ATP11B: variants seen among roughly 807,000 people sequenced by gnomAD.
ATP11B encodes ATPase phospholipid transporting 11B (putative), also known as phospholipid-transporting ATPase IF.
Under a neutral mutation model 157.8 loss-of-function variants are expected in ATP11B, and 81 were observed. The observed-to-expected ratio is 0.51, with a 90% CI of 0.43 to 0.62. The LOEUF (loss-of-function observed/expected upper bound fraction) is 0.62, where lower values mean the gene tolerates loss of function less well. Ranked by LOEUF, ATP11B falls within the 20% of genes least tolerant of loss-of-function variation. ATP11B has a pLI of 0.00. For missense variants in ATP11B, 1,165 were observed against 1,402.2 expected, an observed-to-expected ratio of 0.83 and a Z score of 2.70; for synonymous variants, 451 against 469.4, an observed-to-expected ratio of 0.96 and a Z score of 0.51.
At chr3:182,844,022 G>T (rs1226155206) in intron 8 of ATP11B, 2 of 152,136 alleles carry the variant, frequency 1.3e-5, no homozygotes, top group Non-Finnish European at 2.9e-5. Flanking sequence ...TACATAGTCT[G>T]AGTTGCATTA....
chr3:182,836,366 A>G lies in ATP11B; in HGVS notation c.448A>G (p.Lys150Glu). The change falls in exon 6 of 30, where the codon AAA becomes GAA. Residue 150 changes from lysine to glutamate, a missense_variant. Transcript: ENST00000323116. ...GGTGGGTGATATTGTTCGAATAGCC[A>G]AAGATGAAATTTTTCCTGCAGACTT... is the stretch of plus-strand genomic sequence containing the variant. ...IRVGDIVRIA[K>E]DEIFPADLVL... 1 of 1,613,884 alleles carries G rather than the reference A, an allele frequency of 6.2e-7. No individual in the cohort carries two copies. The highest frequency in any genetic ancestry group is 1.1e-5 in the South Asian group (1 of 91,070).
chr3:182,828,141 C>A lies in ATP11B; in HGVS notation c.166C>A (p.Pro56Thr). The A allele has an allele frequency of 6.8e-7, 1 of 1,469,022 alleles. No homozygotes were observed. The highest frequency in any genetic ancestry group is 1.5e-5 in the South Asian group (1 of 68,312). The allele number at this position is 1,469,022 out of a possible 1,614,324, so 91.0% of individuals were successfully genotyped here. Reference protein sequence around the residue: ...SSKYTVWNFVPKNLFEQFRRV... With the variant: ...SSKYTVWNFVTKNLFEQFRRV... ...TTAGTACACTGTGTGGAATTTTGTT[C>A]CAAAAAATTTATTTGAACAGTTCAG... Residue 56 changes from proline (P) to threonine (T), a missense_variant, in exon 3 of 30, where the codon CCA (proline) becomes ACA (threonine). By Grantham distance (38) the Pro-to-Thr change is conservative. Transcript: ENST00000323116.
At chr3:182,906,834 A>G (rs1003934793) in intron 28 of ATP11B, among the ~76,000 whole-genome samples, 2 of 151,498 alleles carry the variant, frequency 1.3e-5, no homozygotes, top group African/African-American at 4.8e-5. Flanking sequence ...CACGCCTGTA[A>G]TCCCAGCACT....
intron 1 of ATP11B, among the ~76,000 whole-genome samples, chr3:182,803,107 A>G (rs1235818021): frequency 1.3e-5 from 2 of 152,214 alleles, no homozygotes; most frequent in Non-Finnish European, 2.9e-5. Flanking sequence ...GAAGTTAAAT[A>G]CCCAGAAGTG....
intron 23 of ATP11B, 86 bp from the exon 24 acceptor site, chr3:182,887,498 ATT>A: frequency 8.7e-7 from 1 of 1,152,110 alleles, no homozygotes; most frequent in Admixed American, 2.8e-5. Flanking sequence ...TAAAACTTTA[ATT>A]TTGTTTTTAA....
chr3:182,853,405 C>T (rs1397515735), intron 10 of ATP11B, among the ~76,000 whole-genome samples: 1 of 152,056 alleles, frequency 6.6e-6, no homozygotes, highest in East Asian at 1.9e-4. Flanking sequence ...GACAGGGTTT[C>T]ACCATGTTGG....
At chr3:182,850,727 C>G (rs1017760706) in intron 10 of ATP11B, among the ~76,000 whole-genome samples, 1 of 152,144 alleles carries the variant, frequency 6.6e-6, no homozygotes, top group Non-Finnish European at 1.5e-5. Context: ...AACAATCCCA[C>G]TACTGGGTTT....
At chr3:182,859,486 C>G in intron 12 of ATP11B, 127 bp downstream of exon 12, 1 of 659,916 alleles carries the variant, frequency 1.5e-6, no homozygotes, top group South Asian at 3.6e-5. Context: ...TGCTCCACTC[C>G]TAGCTGTTCC....
rs138006634 is a variant in ATP11B at position 182,848,866 on chromosome 3, T to C, written c.851+309T>C. 2.9e-3 allele frequency among the ~76,000 whole-genome samples: 440 copies of C among 152,214 alleles called. 4 individuals are homozygous for C. Among genetic ancestry groups the C allele is most frequent in the Middle Eastern group, 0.01 (3 of 294 alleles). On this transcript the variant is annotated intron_variant, in intron 10 of 29. Coordinates refer to ENST00000323116, the MANE Select transcript of ATP11B (RefSeq NM_014616.3). The stretch of plus-strand genomic sequence containing the variant: ...TTAAATAAACAACTATTTGAAAACA[T>C]TGGAGACAAACCAGAATCGAATAGA...
At chr3:182,916,967 C>A in intron 29 of ATP11B, 1 of 983,030 alleles carries the variant, frequency 1.0e-6, no homozygotes, top group Non-Finnish European at 1.2e-6. Context: ...ACTGGGTGCC[C>A]AATATATGTC....
At chr3:182,889,649 A>G (rs1723044186) in intron 25 of ATP11B, 101 bp downstream of exon 25, 2 of 1,072,954 alleles carry the variant, frequency 1.9e-6, no homozygotes, top group African/African-American at 1.7e-5. Flanking sequence ...CAGAACTTCA[A>G]GTATTAAAAT....
intron 2 of ATP11B, among the ~76,000 whole-genome samples, chr3:182,827,605 G>A (rs751349189): frequency 5.3e-5 from 8 of 151,656 alleles, no homozygotes; most frequent in Admixed American, 1.3e-4. Flanking sequence ...GGTGGTTATC[G>A]CGGCGATCAC....
chr3:182,828,901 A>C (rs1473022665), intron 3 of ATP11B, among the ~76,000 whole-genome samples: 1 of 152,256 alleles, frequency 6.6e-6, no homozygotes, highest in African/African-American at 2.4e-5. Context: ...TCAGTGTAGC[A>C]TCAAATATAT....
At chr3:182,897,249 T>C in intron 26 of ATP11B, 54 bp from the exon 27 acceptor site, 1 of 1,005,146 alleles carries the variant, frequency 9.9e-7, no homozygotes, top group Non-Finnish European at 1.5e-6. Context: ...TCTGAAAGGT[T>C]AAGGTAAAGC....
intron 28 of ATP11B, among the ~76,000 whole-genome samples, chr3:182,907,137 T>C (rs1239132022): frequency 6.6e-6 from 1 of 151,890 alleles, no homozygotes; most frequent in Non-Finnish European, 1.5e-5. Context: ...GAGAGCTTGA[T>C]TTTCTCTTCT....
At chr3:182,876,938 A>G (rs746462765) in intron 19 of ATP11B, among the ~76,000 whole-genome samples, 6 of 152,240 alleles carry the variant, frequency 3.9e-5, no homozygotes, top group East Asian at 1.9e-4. Flanking sequence ...ATAGAAGTCA[A>G]TAGGCCCATT....
At chr3:182,849,217 G>A (rs929539901) in intron 10 of ATP11B, among the ~76,000 whole-genome samples, 2 of 152,162 alleles carry the variant, frequency 1.3e-5, no homozygotes, top group Admixed American at 6.5e-5. Flanking sequence ...ATGTGCAAGG[G>A]AGACAAAAGA....
intron 2 of ATP11B, among the ~76,000 whole-genome samples, chr3:182,825,591 C>T (rs575125393): frequency 3.8e-4 from 58 of 151,628 alleles, no homozygotes; most frequent in African/African-American, 1.4e-3. Context: ...GGTGTGGTGG[C>T]GGTTGCCTGT....
intron 1 of ATP11B, among the ~76,000 whole-genome samples, chr3:182,801,899 C>T (rs1286135059): frequency 6.6e-6 from 1 of 152,130 alleles, no homozygotes; most frequent in Non-Finnish European, 1.5e-5. Context: ...TACTAAGAAT[C>T]TGTCAAATTC....
Sources: gnomAD v4.1 joint callset for allele counts (sites outside exome capture counted in the v4.1 genomes callset) on GRCh38, gnomAD v4.1.1 for gene constraint, MANE v1.5 for transcripts, NCBI Gene and HGNC (gene_info 2026-07-23, HGNC 2026-07-21) for gene names.